The following PCDHA9 variants were observed in gnomAD, a reference collection of about 807,000 sequenced individuals.
PCDHA9 encodes the protein protocadherin alpha-9.
Under a neutral mutation model 62.0 loss-of-function variants are expected in PCDHA9, and 62 were observed. The observed-to-expected ratio is 1.00, with a 90% confidence interval of 0.81 to 1.23. PCDHA9 has a LOEUF of 1.23. PCDHA9 is among the 50% of genes most tolerant of loss of function. The pLI is 0.00. For missense variants in PCDHA9, 1,205 were observed against 1,249.8 expected (o/e 0.96, Z 0.54); for synonymous variants, 557 against 567.6 (o/e 0.98, Z 0.27).
intron 1 of PCDHA9, among the ~76,000 whole-genome samples, chr5:140,921,678 A>C (rs2080326339): frequency 6.6e-6 from 1 of 152,222 alleles, no homozygotes; most frequent in South Asian, 2.1e-4. Context: ...AGTTATCATC[A>C]AACACTGGCC....
Position 140,849,281 on chromosome 5 carries a change from T to A in PCDHA9, c.786T>A (p.Ile262=). 1 of 1,191,174 alleles carries A rather than the reference T, an allele frequency of 8.4e-7. No homozygotes were observed. Among genetic ancestry groups the A allele is most frequent in the Non-Finnish European group, 1.2e-6 (1 of 867,096 alleles). 73.8% of individuals were successfully genotyped at this position (1,191,174 alleles called of 1,614,324 possible). Residue 262 remains isoleucine, a synonymous_variant, in exon 1 of 4, where the codon ATT becomes ATA. Coordinates refer to ENST00000532602, the MANE Select transcript of PCDHA9 (RefSeq NM_031857.2). Reference sequence around the variant, plus strand: ...ACGTTTCTATCGGAACGCTGGTGATTCACCCCAATGCCTCAGATTTAGACG... The same window carrying A: ...ACGTTTCTATCGGAACGCTGGTGATACACCCCAATGCCTCAGATTTAGACG... The part of the protein sequence containing the change: ...PENVSIGTLV[I]HPNASDLDEG...
intron 1 of PCDHA9, among the ~76,000 whole-genome samples, chr5:140,902,823 G>A (rs182466889): frequency 1.6e-3 from 246 of 151,864 alleles, no homozygotes; most frequent in Non-Finnish European, 2.9e-3. Flanking sequence ...TTTGGTTTTC[G>A]ATTTCTGAGT....
In PCDHA9 at chr5:140,870,564, G is replaced by A. The variant is rs782511789; in HGVS notation, c.2394+19675G>A. ...GGGACGCGGACGCGCAGGAGAACGCGCTGGTGTCCTACTCGCTGGTGGAGC... is the reference window on the plus strand; with the variant it reads ...GGGACGCGGACGCGCAGGAGAACGCACTGGTGTCCTACTCGCTGGTGGAGC... On this transcript the variant is annotated intron_variant, in intron 1 of 3. Coordinates refer to ENST00000532602, the MANE Select transcript of PCDHA9 (RefSeq NM_031857.2). 2.5e-6 allele frequency: 4 copies of A among 1,613,884 alleles called. No individual in the cohort carries two copies. In the African/African-American group the frequency reaches 4.0e-5, roughly 16 times the overall value.
intron 1 of PCDHA9, among the ~76,000 whole-genome samples, chr5:140,886,431 ATTTG>A (rs1272820447): frequency 6.6e-6 from 1 of 152,012 alleles, no homozygotes; most frequent in East Asian, 1.9e-4. Context: ...ATTTCTATTC[ATTTG>A]TTTGTACTAA....
intron 1 of PCDHA9, chr5:140,930,423 A>C (rs1366004853): frequency 6.6e-6 from 1 of 151,862 alleles, no homozygotes; most frequent in Non-Finnish European, 1.5e-5. Flanking sequence ...GGGTCTCACT[A>C]TGTTGCCCAG....
intron 1 of PCDHA9, among the ~76,000 whole-genome samples, chr5:140,887,453 T>C (rs2061454477): frequency 6.6e-6 from 1 of 152,178 alleles, no homozygotes; most frequent in Non-Finnish European, 1.5e-5. Flanking sequence ...TGACAGTTTT[T>C]TAAAAGATAT....
chr5:140,878,239 T>C (rs1198199054), intron 1 of PCDHA9: 1 of 155,370 alleles, frequency 6.4e-6, no homozygotes, highest in Non-Finnish European at 1.4e-5. Context: ...ATGGATTCTT[T>C]AACTCTTCCT....
intron 1 of PCDHA9, chr5:140,929,246 C>A: frequency 6.2e-7 from 1 of 1,613,738 alleles, no homozygotes; most frequent in Non-Finnish European, 8.5e-7. Flanking sequence ...AATCTTGCCA[C>A]TGGGGTAGGA....
chr5:140,871,755 T>C (rs2053292269), intron 1 of PCDHA9, among the ~76,000 whole-genome samples: 1 of 152,248 alleles, frequency 6.6e-6, no homozygotes. Context: ...AGAAATGAGA[T>C]GCAAGAGTGA....
intron 1 of PCDHA9, chr5:140,883,598 G>T (rs782009650): frequency 1.2e-6 from 2 of 1,614,008 alleles, no homozygotes; most frequent in Middle Eastern, 1.7e-4. Flanking sequence ...CGTGTCGGTG[G>T]GGGTGGCCGA....
chr5:140,982,154 G>A (rs1304368371), intron 2 of PCDHA9, among the ~76,000 whole-genome samples: 3 of 152,210 alleles, frequency 2.0e-5, no homozygotes, highest in East Asian at 1.9e-4. Flanking sequence ...CTTCAGTATC[G>A]AGATGTTAAA....
intron 1 of PCDHA9, among the ~76,000 whole-genome samples, chr5:140,893,177 T>A (rs2063856203): frequency 6.6e-6 from 1 of 152,232 alleles, no homozygotes; most frequent in Admixed American, 6.5e-5. Flanking sequence ...TTCCACATAG[T>A]AGCTATTGTG....
intron 1 of PCDHA9, chr5:140,876,058 C>A (rs781906188): frequency 1.2e-6 from 2 of 1,613,750 alleles, no homozygotes; most frequent in African/African-American, 1.3e-5. Flanking sequence ...TGAATTAGTT[C>A]TTCGGAAGTT....
At chr5:140,879,026 A>G (rs1381722750) in intron 1 of PCDHA9, among the ~76,000 whole-genome samples, 2 of 152,234 alleles carry the variant, frequency 1.3e-5, no homozygotes, top group Non-Finnish European at 2.9e-5. Context: ...GTTTTATTGA[A>G]GAGTGTCTTG....
chr5:140,927,204 G>A, intron 1 of PCDHA9: 1 of 1,614,112 alleles, frequency 6.2e-7, no homozygotes, highest in Non-Finnish European at 8.5e-7. Context: ...TCGAGGACCC[G>A]CTGGAGCTGC....
chr5:140,881,145 A>G (rs1335769260), intron 1 of PCDHA9, among the ~76,000 whole-genome samples: 1 of 152,246 alleles, frequency 6.6e-6, no homozygotes, highest in Non-Finnish European at 1.5e-5. Context: ...TTATAACAAT[A>G]GATAAAAGTA....
chr5:140,995,812 G>A (rs2097699173), intron 3 of PCDHA9, among the ~76,000 whole-genome samples: 1 of 152,202 alleles, frequency 6.6e-6, no homozygotes, highest in Non-Finnish European at 1.5e-5. Flanking sequence ...TTTCTGAAGG[G>A]AGATAGCCTG....
At chr5:140,970,252 T>G (rs2096392828) in intron 1 of PCDHA9, among the ~76,000 whole-genome samples, 1 of 152,234 alleles carries the variant, frequency 6.6e-6, no homozygotes, top group South Asian at 2.1e-4. Flanking sequence ...GTTGACAGTT[T>G]CTATGGTTTT....
chr5:140,848,593 A>G lies in PCDHA9; in HGVS notation c.98A>G (p.Tyr33Cys). 6.3e-7 allele frequency: 1 copy of G among 1,593,964 alleles called. No homozygotes were observed. Among genetic ancestry groups the G allele is most frequent in the Non-Finnish European group, 8.6e-7 (1 of 1,164,530 alleles). ...MWVVGSGQLH[Y>C]SVPEEAEHGT... Reference sequence around the variant, plus strand: ...GTGGTGGGGAGCGGCCAGCTCCACTACTCCGTCCCGGAGGAAGCCGAACAC... The same window carrying G: ...GTGGTGGGGAGCGGCCAGCTCCACTGCTCCGTCCCGGAGGAAGCCGAACAC... The change falls in exon 1 of 4, where the codon TAC (tyrosine) becomes TGC (cysteine). Residue 33 changes from tyrosine to cysteine, a missense_variant. Tyr to Cys is a radical substitution (Grantham distance 194, BLOSUM62 -2). Transcript: ENST00000532602.
Sources: gnomAD v4.1 joint callset for allele counts (sites outside exome capture counted in the v4.1 genomes callset) on GRCh38, gnomAD v4.1.1 for gene constraint, MANE v1.5 for transcripts, NCBI Gene and HGNC (gene_info 2026-07-23, HGNC 2026-07-21) for gene names.